Variants in MYH10 observed in about 807,000 individuals in gnomAD.
MYH10 encodes myosin-10.
Under a neutral mutation model 257.8 loss-of-function variants are expected in MYH10, and 55 were observed. That is an observed-to-expected ratio of 0.21 (90% CI 0.17 to 0.27). The LOEUF is 0.27. Ranked by LOEUF, MYH10 falls within the 10% of genes least tolerant of loss-of-function variation. The pLI is 1.00. For synonymous variants in MYH10, 854 were observed against 921.7 expected (o/e 0.93, Z 1.33); for missense variants, 1,631 against 2,500.6 (o/e 0.65, Z 7.42).
intron 7 of MYH10, among the ~76,000 whole-genome samples, chr17:8,564,082 C>T (rs1446429340): frequency 6.6e-6 from 1 of 152,134 alleles, no homozygotes; most frequent in Non-Finnish European, 1.5e-5. Flanking sequence ...CATAAATCTC[C>T]TCCATCTGGA....
At chr17:8,599,723 T>C (rs430480) in intron 3 of MYH10, among the ~76,000 whole-genome samples, 147,772 of 152,324 alleles carry the variant, frequency 0.97, 71,852 homozygotes, top group Middle Eastern at 1. Flanking sequence ...GGAAAATTTA[T>C]TGCTAATGTT....
At chr17:8,551,795 T>G (rs2082651054) in intron 9 of MYH10, among the ~76,000 whole-genome samples, 1 of 152,206 alleles carries the variant, frequency 6.6e-6, no homozygotes, top group African/African-American at 2.4e-5. Context: ...TCATTTGTCT[T>G]CTAATTTAAA....
chr17:8,594,629 C>G (rs758120725), intron 3 of MYH10, among the ~76,000 whole-genome samples: 2 of 152,164 alleles, frequency 1.3e-5, no homozygotes, highest in Non-Finnish European at 2.9e-5. Flanking sequence ...AGCCTGTATA[C>G]AAATGTTGAC....
At chr17:8,500,588 G>A (rs1477457670) in intron 29 of MYH10, among the ~76,000 whole-genome samples, 1 of 152,246 alleles carries the variant, frequency 6.6e-6, no homozygotes, top group Non-Finnish European at 1.5e-5. Context: ...GGAGGACTGT[G>A]TGGTTTGAGA....
chr17:8,501,118 G>C (rs868309338), intron 28 of MYH10, 148 bp from the exon 29 acceptor site: 1 of 859,680 alleles, frequency 1.2e-6, no homozygotes, highest in South Asian at 1.8e-5. Flanking sequence ...AGGCTGGCAG[G>C]TCTATTACTG....
rs115116171 is a variant in MYH10 at position 8,604,510 on chromosome 17, T to G, written c.502+316A>C. Among the ~76,000 whole-genome samples the G allele has an allele frequency of 4.8e-3, 738 of 152,300 alleles. 3 individuals carry two copies. Among genetic ancestry groups the G allele is most frequent in the African/African-American group, 0.017 (701 of 41,564 alleles). On this transcript the variant is annotated intron_variant, in intron 3 of 42. Transcript: ENST00000360416. ...TTTCCTATTATTCTTCCTATTGGTT[T>G]TAAAACCTAATATAATGAGCTTTGG...
intron 5 of MYH10, among the ~76,000 whole-genome samples, chr17:8,576,921 T>C (rs182684587): frequency 4.1e-4 from 63 of 152,318 alleles, no homozygotes; most frequent in African/African-American, 1.4e-3. Context: ...CAAGCTGCTG[T>C]GGGTAGTAGC....
In MYH10 at chr17:8,521,151, T is replaced by A. The variant is rs763509845; in HGVS notation, c.2092A>T (p.Thr698Ser). ...YKESLTKLMA[T>S]LRNTNPNFVR... ...AAGTTAGGGTTGGTGTTTCGGAGAG[T>A]TGCCATCAGCTTGGTGAGAGATTCT... The change falls in exon 18 of 43, where the codon ACT becomes TCT. Residue 698 changes from threonine (T) to serine (S), a missense_variant. Coordinates refer to ENST00000360416, the MANE Select transcript of MYH10 (RefSeq NM_001256012.3). 1 of 1,614,018 alleles carries A rather than the reference T, an allele frequency of 6.2e-7. No individual in the cohort carries two copies. The highest frequency in any genetic ancestry group is 1.3e-5 in the African/African-American group (1 of 74,886).
At chr17:8,486,381 C>A (rs1187311719) in intron 36 of MYH10, among the ~76,000 whole-genome samples, 1 of 151,910 alleles carries the variant, frequency 6.6e-6, no homozygotes, top group South Asian at 2.1e-4. Context: ...AGTTTATATT[C>A]TTTGTAATTA....
chr17:8,577,908 T>TG (rs34958948), intron 4 of MYH10, among the ~76,000 whole-genome samples: 4 of 151,480 alleles, frequency 2.6e-5, no homozygotes, highest in Non-Finnish European at 4.4e-5. Context: ...CCCTTGGGGG[T>TG]GGGGGGGTTC....
At chr17:8,478,804 C>T (rs528979628) in intron 40 of MYH10, among the ~76,000 whole-genome samples, 14 of 152,312 alleles carry the variant, frequency 9.2e-5, no homozygotes, top group Non-Finnish European at 1.3e-4. Context: ...CATCTCTGCT[C>T]GCTGCAACCT....
Position 8,477,996 on chromosome 17 carries a change from C to T in MYH10, c.5706+342G>A, listed in dbSNP as rs981504021. Among the ~76,000 whole-genome samples, 1 of 152,212 alleles carries T rather than the reference C, an allele frequency of 6.6e-6. No homozygotes were observed. The highest frequency in any genetic ancestry group is 2.4e-5 in the African/African-American group (1 of 41,440). ...CCCACCCTACACCCAGCCAGTATCT[C>T]ATGACTGCCAGCAATATCCAGAAAC... On this transcript the variant is annotated intron_variant, in intron 41 of 42. Coordinates refer to ENST00000360416, the MANE Select transcript of MYH10 (RefSeq NM_001256012.3). This position sits in a 1 kb window ranked among gnomAD's most constrained non-coding sequence, Gnocchi z 4.2.
intron 36 of MYH10, among the ~76,000 whole-genome samples, chr17:8,485,305 C>T (rs949021442): frequency 2.0e-5 from 3 of 151,974 alleles, no homozygotes; most frequent in African/African-American, 7.2e-5. Context: ...ATACCAAGAA[C>T]TACAAAACGT....
rs1359780140 is a variant in MYH10, at chr17:8,592,958, T to C, written c.503-3850A>G. On this transcript the variant is annotated intron_variant, in intron 3 of 42. Coordinates refer to ENST00000360416, the MANE Select transcript of MYH10 (RefSeq NM_001256012.3). The stretch of plus-strand genomic sequence containing the variant: ...CTATATATATATATATATATATATA[T>C]ATATATATATATAAAAGATGATGCA... Among the ~76,000 whole-genome samples the C allele has an allele frequency of 1.0e-3, 119 of 118,096 alleles. 12 individuals carry two copies. The highest frequency in any genetic ancestry group is 3.1e-3 in the African/African-American group (105 of 34,046). 77.5% of individuals were successfully genotyped at this position (118,096 alleles called of 152,430 possible).
At chr17:8,584,792 T>C (rs1441783134) in intron 4 of MYH10, among the ~76,000 whole-genome samples, 1 of 152,238 alleles carries the variant, frequency 6.6e-6, no homozygotes, top group East Asian at 1.9e-4. Flanking sequence ...TACTTAATAC[T>C]GATTAAGAAA....
At chr17:8,605,700 G>A (rs1042879982) in intron 2 of MYH10, among the ~76,000 whole-genome samples, 3 of 152,130 alleles carry the variant, frequency 2.0e-5, no homozygotes, top group Non-Finnish European at 2.9e-5. Flanking sequence ...AGCCTAGATC[G>A]CATCACTGTA....
At chr17:8,548,163 A>C (rs2082505127) in intron 11 of MYH10, 150 bp downstream of exon 11, 5 of 574,908 alleles carry the variant, frequency 8.7e-6, no homozygotes, top group South Asian at 2.3e-5. Context: ...GAATCAGAGG[A>C]ACCCTCGTGT....
chr17:8,526,987 A>G (rs1004869974), intron 17 of MYH10, among the ~76,000 whole-genome samples: 3 of 152,242 alleles, frequency 2.0e-5, no homozygotes, highest in African/African-American at 7.2e-5. Flanking sequence ...AGTGCCCAGC[A>G]CTGTGTGAGG....
rs1474799590 is a variant in MYH10, at chr17:8,499,326, C to G, written c.3895G>C (p.Val1299Leu). ...DAQVQELHAK[V>L]SEGDRLRVEL... The stretch of plus-strand genomic sequence containing the variant: ...ACCCTGAGCCTGTCGCCTTCAGAGA[C>G]CTTGGCATGGAGCTCCTGGACCTGC... The change falls in exon 30 of 43, where the codon GTC becomes CTC. Residue 1299 changes from valine to leucine, a missense_variant. Val to Leu is a conservative substitution (Grantham distance 32). Coordinates refer to ENST00000360416, the MANE Select transcript of MYH10 (RefSeq NM_001256012.3). 6.2e-7 allele frequency: 1 copy of G among 1,614,074 alleles called. No homozygotes were observed. Among genetic ancestry groups the G allele is most frequent in the South Asian group, 1.1e-5 (1 of 91,080 alleles).
Sources: gnomAD v4.1 joint callset for allele counts (sites outside exome capture counted in the v4.1 genomes callset) on GRCh38, gnomAD v4.1.1 for gene constraint, Gnocchi (gnomAD v3.1) non-coding constraint, MANE v1.5 for transcripts, NCBI Gene and HGNC (gene_info 2026-07-23, HGNC 2026-07-21) for gene names.